The following LRP2 variants were observed in gnomAD, a reference collection of about 807,000 sequenced individuals.
The protein encoded by LRP2 is LDL receptor related protein 2.
Under a neutral mutation model 531.0 loss-of-function variants are expected in LRP2, and 172 were observed. That is an observed-to-expected ratio of 0.32 (90% CI 0.29 to 0.37). The LOEUF (loss-of-function observed/expected upper bound fraction) is 0.37. Ranked by LOEUF, LRP2 falls within the 10% of genes least tolerant of loss-of-function variation. The pLI is 1.00. For synonymous variants in LRP2, 1,992 were observed against 2,027.6 expected (o/e 0.98, Z 0.47); for missense variants, 5,167 against 5,868.3 (o/e 0.88, Z 3.90).
At chr2:169,159,785 C>T (rs897930230) in intron 63 of LRP2, among the ~76,000 whole-genome samples, 2 of 152,174 alleles carry the variant, frequency 1.3e-5, no homozygotes, top group Admixed American at 1.3e-4. Flanking sequence ...ACATAACCTC[C>T]ATGGGTCTCA....
intron 1 of LRP2, among the ~76,000 whole-genome samples, chr2:169,336,729 A>G (rs1324756996): frequency 6.6e-6 from 1 of 152,134 alleles, no homozygotes; most frequent in African/African-American, 2.4e-5. Context: ...CTGGTAGACC[A>G]TTTATCTTTG....
intron 70 of LRP2, among the ~76,000 whole-genome samples, chr2:169,145,495 G>C (rs1475353561): frequency 1.3e-5 from 2 of 152,180 alleles, no homozygotes; most frequent in Non-Finnish European, 1.5e-5. Context: ...TCCAAACAAT[G>C]ATGAGGGCTA....
rs541493889 is a variant in LRP2 at position 169,194,807 on chromosome 2, G to T, written c.8699-915C>A. 1.4e-3 allele frequency among the ~76,000 whole-genome samples: 194 copies of T among 135,484 alleles called. 2 individuals are homozygous for T. The Admixed American group carries it at 0.016, about 11-fold the overall frequency. The allele number at this position is 135,484 out of a possible 152,430, so 88.9% of individuals were successfully genotyped here. On this transcript the variant is annotated intron_variant, in intron 46 of 78. Coordinates refer to ENST00000649046, the MANE Select transcript of LRP2 (RefSeq NM_004525.3). ...GCGATCTCGGCTCACTGCAACCTCC[G>T]CCTCCCAGGTTCAAGTGATTCTCCT...
intron 77 of LRP2, among the ~76,000 whole-genome samples, chr2:169,130,134 C>T (rs1685231464): frequency 6.6e-6 from 1 of 152,176 alleles, no homozygotes; most frequent in East Asian, 1.9e-4. Context: ...TGGGGCGGGC[C>T]AAAGTCTCTT....
intron 9 of LRP2, among the ~76,000 whole-genome samples, chr2:169,286,774 A>G (rs1029269587): frequency 1.3e-5 from 2 of 152,222 alleles, no homozygotes; most frequent in Admixed American, 6.5e-5. Context: ...AAAGGACTTC[A>G]TGGCCTATCA....
intron 48 of LRP2, among the ~76,000 whole-genome samples, chr2:169,189,403 C>T (rs1202277730): frequency 6.6e-6 from 1 of 152,200 alleles, no homozygotes; most frequent in African/African-American, 2.4e-5. Context: ...GGCTCAGCTT[C>T]ATTTGGTCTC....
At chr2:169,162,153 G>A (rs898290836) in intron 63 of LRP2, among the ~76,000 whole-genome samples, 17 of 152,224 alleles carry the variant, frequency 1.1e-4, no homozygotes, top group Admixed American at 9.2e-4. Context: ...ACAGACCAGA[G>A]TTCAAATCCT....
Position 169,191,982 on chromosome 2 carries a change from G to A in LRP2, c.8882C>T (p.Pro2961Leu), listed in dbSNP as rs780122177. 79 of 1,614,008 alleles carry A rather than the reference G, an allele frequency of 4.9e-5. No individual in the cohort carries two copies. Among genetic ancestry groups the A allele is most frequent in the South Asian group, 6.6e-5 (6 of 91,074 alleles). Residue 2961 changes from proline to leucine, a missense_variant, in exon 48 of 79, where the codon CCG becomes CTG. Transcript: ENST00000649046. ...SEFLCVNDRP[P>L]DRRCIPQSWV... is the part of the protein sequence containing the mutation. ...AGACTGGGGAATGCACCTCCTGTCC[G>A]GAGGTCTGTCATTTACACAGAGAAA... is the stretch of plus-strand genomic sequence containing the variant.
chr2:169,332,412 G>C (rs1010082249), intron 1 of LRP2, among the ~76,000 whole-genome samples: 1 of 152,170 alleles, frequency 6.6e-6, no homozygotes, highest in East Asian at 1.9e-4. Context: ...AAAGAAAAAG[G>C]GAGACAGAGA....
Position 169,175,257 on chromosome 2 carries a change from C to T in LRP2, c.10704G>A (p.Pro3568=), listed in dbSNP as rs756473581. Reference sequence around the variant, plus strand: ...TTTGGTGAGCATTGCATAAAGTCTGCGGGCTGGTGCAGTTGCCGTCACTGC... The same window carrying T: ...TTTGGTGAGCATTGCATAAAGTCTGTGGGCTGGTGCAGTTGCCGTCACTGC... The part of the protein sequence containing the change: ...FQCSDGNCTS[P]QTLCNAHQNC... Residue 3568 remains proline (P), a synonymous_variant, in exon 55 of 79, where the codon CCG becomes CCA. Transcript: ENST00000649046. 2.2e-5 allele frequency: 35 copies of T among 1,614,032 alleles called. No individual in the cohort carries two copies. Among genetic ancestry groups the T allele is most frequent in the Middle Eastern group, 1.6e-4 (1 of 6,084 alleles).
Position 169,173,199 on chromosome 2 carries a change from G to T in LRP2, c.11040C>A (p.Asn3680Lys). ...ECMSSAHLCD[N>K]FTEFSCKTNY... is the part of the protein sequence containing the mutation. ...TTGTTTTGCAGCTGAATTCTGTGAA[G>T]TTGTCACAGAGATGGGCAGAGCTCA... The change falls in exon 57 of 79, where the codon AAC becomes AAA. Residue 3680 changes from asparagine (N) to lysine (K), a missense_variant. Physicochemically the swap from Asn to Lys is moderately conservative, Grantham distance 94. Around this residue, in one of 6 missense-constraint regions of LRP2, gnomAD observed 311 missense variants for 309.4 expected, o/e 1.01. Transcript: ENST00000649046. The T allele has an allele frequency of 6.2e-7, 1 of 1,614,202 alleles. No homozygotes were observed. The highest frequency in any genetic ancestry group is 8.5e-7 in the Non-Finnish European group (1 of 1,180,044).
At chr2:169,296,317 T>C (rs553712567) in intron 4 of LRP2, among the ~76,000 whole-genome samples, 1 of 152,280 alleles carries the variant, frequency 6.6e-6, no homozygotes, top group South Asian at 2.1e-4. Flanking sequence ...AAATTTTTTC[T>C]GAATTTTATT....
At chr2:169,197,273 T>C (rs1417889454) in intron 45 of LRP2, among the ~76,000 whole-genome samples, 3 of 151,328 alleles carry the variant, frequency 2.0e-5, no homozygotes, top group Non-Finnish European at 4.4e-5. Flanking sequence ...AAAAAAAAAA[T>C]TGTATTTGTT....
intron 1 of LRP2, among the ~76,000 whole-genome samples, chr2:169,347,011 C>T (rs1685713188): frequency 6.6e-6 from 1 of 152,156 alleles, no homozygotes; most frequent in Non-Finnish European, 1.5e-5. Flanking sequence ...CATAATAACC[C>T]TTTATTCCCC....
chr2:169,361,448 C>G (rs2105593383), intron 1 of LRP2, among the ~76,000 whole-genome samples: 1 of 150,562 alleles, frequency 6.6e-6, no homozygotes, highest in African/African-American at 2.4e-5. Context: ...CAGTCGTTCT[C>G]TTCCCTCCTT....
intron 62 of LRP2, among the ~76,000 whole-genome samples, chr2:169,165,519 T>G (rs1408180863): frequency 6.6e-6 from 1 of 152,210 alleles, no homozygotes; most frequent in African/African-American, 2.4e-5. Flanking sequence ...TCTCTGCAGC[T>G]GGGCACCTGC....
chr2:169,242,981 A>G lies in LRP2; in HGVS notation c.3642T>C (p.Ser1214=), dbSNP rs769727755. The G allele has an allele frequency of 1.1e-5, 18 of 1,613,922 alleles. 1 individual carries two copies. In the South Asian group the frequency reaches 1.6e-4, roughly 15 times the overall value. ...GACAGCCTGCTTCATCCGAGTTGTC[A>G]CTGCAATCAAAAACACCATCACAAC... ...TNRCDGVFDC[S]DNSDEAGCPT... The change falls in exon 24 of 79, where the codon AGT becomes AGC. Residue 1214 remains serine, a synonymous_variant. Coordinates refer to ENST00000649046, the MANE Select transcript of LRP2 (RefSeq NM_004525.3).
At chr2:169,183,174 G>T (rs1268681333) in intron 50 of LRP2, among the ~76,000 whole-genome samples, 4 of 152,214 alleles carry the variant, frequency 2.6e-5, no homozygotes, top group African/African-American at 9.6e-5. Context: ...GAAGGAGAAT[G>T]ATTTCCCTTC....
At chr2:169,131,463 T>C (rs1294502959) in intron 77 of LRP2, among the ~76,000 whole-genome samples, 2 of 152,222 alleles carry the variant, frequency 1.3e-5, no homozygotes, top group South Asian at 4.1e-4. Context: ...GTTTATAGAC[T>C]ATGAAATTTG....
Sources: gnomAD v4.1 joint callset for allele counts (sites outside exome capture counted in the v4.1 genomes callset) on GRCh38, gnomAD v4.1.1 for gene constraint, gnomAD v4.1.1 regional missense constraint, MANE v1.5 for transcripts, NCBI Gene and HGNC (gene_info 2026-07-23, HGNC 2026-07-21) for gene names.